The following STMN3 variants were observed in gnomAD, a reference collection of about 807,000 sequenced individuals.
The protein encoded by STMN3 is stathmin 3, also known as stathmin-3.
STMN3 carries 24 observed loss-of-function variants against 23.2 expected under a neutral mutation model. The observed-to-expected ratio is 1.03, with a 90% confidence interval of 0.75 to 1.45. The LOEUF (loss-of-function observed/expected upper bound fraction) is 1.45. Among genes scored for constraint, STMN3 ranks in the 40% most tolerant of loss-of-function variants. The probability of loss-of-function intolerance (pLI) is 0.00; values close to 1 mark genes in which losing one functional copy is unlikely to be tolerated. For synonymous variants in STMN3, 117 were observed against 103.4 expected (o/e 1.13, Z -0.80); for missense variants, 235 against 237.6 (o/e 0.99, Z 0.07).
At chr20:63,642,490 G>C (rs1043596431) in intron 3 of STMN3, among the ~76,000 whole-genome samples, 191 bp from the exon 4 acceptor site, 2 of 151,640 alleles carry the variant, frequency 1.3e-5, no homozygotes, top group African/African-American at 4.8e-5. Flanking sequence ...GCCTGTGGTC[G>C]GGGCAGGGCC....
At position 63,644,169 on chromosome 20, in the gene STMN3, T is replaced by G. The variant is rs1396439503; in HGVS notation, c.115+45A>C. ...CCGGAGGCCGGGGGAAAAGGTGAGG[T>G]GGGCAGGCACCGCAGGGAAGGGCAG... On this transcript the variant is annotated intron_variant, in intron 2 of 4. Coordinates refer to ENST00000370053, the MANE Select transcript of STMN3 (RefSeq NM_015894.4). 3.2e-6 allele frequency: 5 copies of G among 1,547,664 alleles called. No homozygotes were observed. In the African/African-American group the frequency reaches 5.4e-5, roughly 17 times the overall value.
intron 1 of STMN3, among the ~76,000 whole-genome samples, chr20:63,647,901 TAC>T (rs1414875588): frequency 1.5e-4 from 20 of 129,370 alleles, no homozygotes; most frequent in African/African-American, 3.6e-4. Context: ...TACGTATATA[TAC>T]ACGTGTGTAT....
rs1463580369 is a variant in STMN3, at chr20:63,641,091, G to T, written c.*247C>A. 5.2e-6 allele frequency: 3 copies of T among 576,726 alleles called. No homozygotes were observed. Among genetic ancestry groups the T allele is most frequent in the Non-Finnish European group, 6.3e-6 (2 of 318,066 alleles). The allele number at this position is 576,726 out of a possible 1,614,324, so 35.7% of individuals were successfully genotyped here. A position where few individuals can be genotyped will look rare whatever the true frequency, so the allele number is the denominator to read the frequency against. ...TCTCACAGGGCCCCCGGGGGACCCAGCCGCGCCCGGCCTGGTGTCTGCACC... is the reference window on the plus strand; with the variant it reads ...TCTCACAGGGCCCCCGGGGGACCCATCCGCGCCCGGCCTGGTGTCTGCACC... On this transcript the variant is annotated 3_prime_UTR_variant, in exon 5 of 5. Coordinates refer to ENST00000370053, the MANE Select transcript of STMN3 (RefSeq NM_015894.4).
At chr20:63,647,905 CGT>C (rs566552501) in intron 1 of STMN3, among the ~76,000 whole-genome samples, 8 of 112,234 alleles carry the variant, frequency 7.1e-5, no homozygotes, top group South Asian at 2.7e-4. Context: ...TATATATACA[CGT>C]GTGTATATAT....
intron 1 of STMN3, among the ~76,000 whole-genome samples, chr20:63,649,627 T>C (rs1400500311): frequency 6.6e-6 from 1 of 151,976 alleles, no homozygotes; most frequent in African/African-American, 2.4e-5. Flanking sequence ...GCCTCCCGGA[T>C]TCACGCCATT....
chr20:63,645,242 G>A (rs949957984), intron 1 of STMN3, among the ~76,000 whole-genome samples: 2 of 152,142 alleles, frequency 1.3e-5, no homozygotes, highest in African/African-American at 4.8e-5. Flanking sequence ...AACCCTCTGT[G>A]GGCAGGACTT....
In STMN3 at chr20:63,642,176, T is replaced by C; in HGVS notation, c.415A>G (p.Lys139Glu). ...CGGATCTCCTTGCTGAGCTCCATCT[T>C]GTAGTTGAGCTTCTCCTCCGCCTGG... ...SRQAEEKLNY[K>E]MELSKEIREA... The change falls in exon 4 of 5, where the codon AAG (lysine) becomes GAG (glutamate). Residue 139 changes from lysine to glutamate, a missense_variant. By Grantham distance (56) the Lys-to-Glu change is moderately conservative. Transcript: ENST00000370053. 6.5e-7 allele frequency: 1 copy of C among 1,545,870 alleles called. No homozygotes were observed. The highest frequency in any genetic ancestry group is 8.7e-7 in the Non-Finnish European group (1 of 1,146,948).
chr20:63,647,733 A>C lies in STMN3; in HGVS notation c.20-3424T>G, dbSNP rs991410806. On this transcript the variant is annotated intron_variant, in intron 1 of 4. Coordinates refer to ENST00000370053, the MANE Select transcript of STMN3 (RefSeq NM_015894.4). The stretch of plus-strand genomic sequence containing the variant: ...ACACGTGTATATATATTATATACAT[A>C]TATATACACGTGTATATATATAATA... Among the ~76,000 whole-genome samples, 20 of 121,130 alleles carry C rather than the reference A, an allele frequency of 1.7e-4. 1 individual carries two copies. The highest frequency in any genetic ancestry group is 5.8e-4 in the African/African-American group (20 of 34,408). The allele number at this position is 121,130 out of a possible 152,430, so 79.5% of individuals were successfully genotyped here.
intron 1 of STMN3, among the ~76,000 whole-genome samples, chr20:63,647,192 C>T (rs974498713): frequency 6.6e-6 from 1 of 150,864 alleles, no homozygotes; most frequent in Non-Finnish European, 1.5e-5. Context: ...CCTCTAATTC[C>T]AGCTACTTGG....
At chr20:63,653,213 CAGGGTAGGAG>C in intron 1 of STMN3, 104 bp downstream of exon 1, 1 of 1,354,420 alleles carries the variant, frequency 7.4e-7, no homozygotes, top group Non-Finnish European at 1.0e-6. Context: ...TTGCAACGCG[CAGGGTAGGAG>C]AAGGGAAATT....
chr20:63,641,411 G>A lies in STMN3; in HGVS notation c.484-14C>T, dbSNP rs1481035757. The A allele has an allele frequency of 6.4e-7, 1 of 1,560,546 alleles. No individual in the cohort carries two copies. Among genetic ancestry groups the A allele is most frequent in the Non-Finnish European group, 8.7e-7 (1 of 1,153,454 alleles). On this transcript the variant is annotated splice_polypyrimidine_tract_variant and intron_variant, in intron 4 of 4. Coordinates refer to ENST00000370053, the MANE Select transcript of STMN3 (RefSeq NM_015894.4). ...CGCGTGCAGCTCCTGCAGGACAGGGGGCGGGAGGGCCTGAGGGCGGGGGTG... is the reference window on the plus strand; with the variant it reads ...CGCGTGCAGCTCCTGCAGGACAGGGAGCGGGAGGGCCTGAGGGCGGGGGTG...
chr20:63,644,689 G>A (rs895636437), intron 1 of STMN3, among the ~76,000 whole-genome samples: 3 of 152,162 alleles, frequency 2.0e-5, no homozygotes, highest in Admixed American at 6.5e-5. Flanking sequence ...CCAAGGTGCC[G>A]GTGTGCGGAG....
chr20:63,645,656 C>T (rs1298544898), intron 1 of STMN3, among the ~76,000 whole-genome samples: 1 of 152,100 alleles, frequency 6.6e-6, no homozygotes, highest in Non-Finnish European at 1.5e-5. Flanking sequence ...CACTAGTGCT[C>T]GATAATCCTT....
chr20:63,653,112 G>A (rs1416360165), intron 1 of STMN3, among the ~76,000 whole-genome samples: 7 of 151,314 alleles, frequency 4.6e-5, no homozygotes, highest in African/African-American at 1.7e-4. Flanking sequence ...TCCCGGTCCC[G>A]AGCGCTCCCC....
intron 1 of STMN3, among the ~76,000 whole-genome samples, chr20:63,649,679 C>T (rs1323276435): frequency 6.6e-6 from 1 of 150,812 alleles, no homozygotes; most frequent in Non-Finnish European, 1.5e-5. Context: ...TACAGGCGCC[C>T]GCCACCACGC....
intron 3 of STMN3, among the ~76,000 whole-genome samples, chr20:63,642,535 C>T (rs1353803419): frequency 1.3e-5 from 2 of 152,108 alleles, no homozygotes; most frequent in African/African-American, 2.4e-5. Context: ...GCCCCCGTCC[C>T]TGCCTCGCGC....
At chr20:63,651,873 G>A (rs976561222) in intron 1 of STMN3, among the ~76,000 whole-genome samples, 2 of 152,118 alleles carry the variant, frequency 1.3e-5, no homozygotes, top group African/African-American at 4.8e-5. Flanking sequence ...AGATGCCCTC[G>A]CCCTCCCAGC....
chr20:63,648,252 TG>T (rs2089833735), intron 1 of STMN3, among the ~76,000 whole-genome samples: 2 of 151,876 alleles, frequency 1.3e-5, no homozygotes, highest in African/African-American at 4.8e-5. Context: ...TGGCCAACCC[TG>T]TGCTCAGGAG....
chr20:63,643,841 G>A lies in STMN3; in HGVS notation c.206C>T (p.Pro69Leu). The A allele has an allele frequency of 6.3e-7, 1 of 1,575,762 alleles. No individual in the cohort carries two copies. Among genetic ancestry groups the A allele is most frequent in the Non-Finnish European group, 8.5e-7 (1 of 1,169,808 alleles). ...KSPSDLSPES[P>L]MLSSPPKKKD... is the part of the protein sequence containing the mutation. ...CTTCTTGGGTGGGGAGGAGAGCATAGGGCTCTCTGGGGACAGGTCAGAAGG... is the reference window on the plus strand; with the variant it reads ...CTTCTTGGGTGGGGAGGAGAGCATAAGGCTCTCTGGGGACAGGTCAGAAGG... The change falls in exon 3 of 5, where the codon CCT (proline) becomes CTT (leucine). Residue 69 changes from proline to leucine, a missense_variant. Pro to Leu is a moderately conservative substitution (Grantham distance 98). Transcript: ENST00000370053.
Sources: allele counts gnomAD v4.1 joint callset (sites outside exome capture counted in the v4.1 genomes callset), GRCh38; gene constraint gnomAD v4.1.1; transcripts MANE v1.5; gene names NCBI Gene and HGNC (gene_info 2026-07-23, HGNC 2026-07-21).